LAT: variants seen among roughly 807,000 people sequenced by gnomAD.
The protein encoded by LAT is linker for activation of T cells.
LAT carries 12 observed loss-of-function variants against 39.1 expected under a neutral mutation model. The ratio of observed to expected loss-of-function variants is 0.31; its 90% confidence interval spans 0.20 to 0.50. The LOEUF is 0.50. Among genes scored for constraint, LAT ranks in the 20% least tolerant of loss-of-function variants. LAT has a pLI of 0.98. For missense variants in LAT, 253 were observed against 308.0 expected (o/e 0.82, Z 1.34); for synonymous variants, 117 against 123.8 (o/e 0.95, Z 0.36).
rs776545121 is a variant in LAT, at chr16:28,986,099, C to T, written c.164-36C>T. ...TGTTCTTTGAGGCCTTGACGATGTC[C>T]GGAGTCCTTCTTTCAACTTGGTTCT... On this transcript the variant is annotated intron_variant, in intron 3 of 11. Coordinates refer to ENST00000395456, the MANE Select transcript of LAT (RefSeq NM_001014987.2). The surrounding 1 kb of genome is among the most constrained non-coding windows in gnomAD (Gnocchi z 5.7). The T allele has an allele frequency of 2.8e-5, 43 of 1,535,772 alleles. No individual in the cohort carries two copies. In the East Asian group the frequency reaches 2.9e-4, roughly 10 times the overall value.
chr16:28,985,267 C>T lies in LAT; in HGVS notation c.-151C>T. On this transcript the variant is annotated 5_prime_UTR_variant, in exon 1 of 12. Coordinates refer to ENST00000395456, the MANE Select transcript of LAT (RefSeq NM_001014987.2). This position sits in a 1 kb window ranked among gnomAD's most constrained non-coding sequence, Gnocchi z 4.6. Reference sequence around the variant, plus strand: ...CATCCCGGGAGCCCCGGGGAGGGCACAGCTGCCTCCTCCCGGGCTCCCCTG... The same window carrying T: ...CATCCCGGGAGCCCCGGGGAGGGCATAGCTGCCTCCTCCCGGGCTCCCCTG... The T allele has an allele frequency of 2.7e-6, 4 of 1,455,004 alleles. No individual in the cohort carries two copies. The highest frequency in any genetic ancestry group is 3.6e-6 in the Non-Finnish European group (4 of 1,105,652). 90.1% of individuals were successfully genotyped at this position (1,455,004 alleles called of 1,614,324 possible). A position where few individuals can be genotyped will look rare whatever the true frequency, so the allele number is the denominator to read the frequency against.
chr16:28,986,722 G>T lies in LAT; in HGVS notation c.398+8G>T. ...TCACAACCCAGGCTACCTGTGAGTG[G>T]CCAGGTGGGAGGTGGGAGGTGAGGG... is the stretch of plus-strand genomic sequence containing the variant. On this transcript the variant is annotated splice_region_variant and intron_variant, in intron 7 of 11. Coordinates refer to ENST00000395456, the MANE Select transcript of LAT (RefSeq NM_001014987.2). This position sits in a 1 kb window ranked among gnomAD's most constrained non-coding sequence, Gnocchi z 5.7. The T allele has an allele frequency of 6.2e-7, 1 of 1,611,884 alleles. No individual in the cohort carries two copies.
chr16:28,989,484 G>A (rs201110056), intron 8 of LAT, 43 bp from the exon 9 acceptor site: 2 of 1,522,862 alleles, frequency 1.3e-6, no homozygotes, highest in Middle Eastern at 1.7e-4. Context: ...TGTGGCCAAG[G>A]GTCTCTGGTC....
At chr16:28,984,825 A>G (rs1222141786), upstream of LAT, 4 of 1,545,946 alleles carry the variant, frequency 2.6e-6, no homozygotes, top group Non-Finnish European at 3.5e-6. Context: ...TCCCACTGTC[A>G]GGGCCTCCCT....
Position 28,989,974 on chromosome 16 carries a change from G to A in LAT, c.664G>A (p.Gly222Arg). 1.2e-6 allele frequency: 2 copies of A among 1,613,868 alleles called. No homozygotes were observed. Among genetic ancestry groups the A allele is most frequent in the Non-Finnish European group, 1.7e-6 (2 of 1,179,970 alleles). ...GGAGGCAGAGGAAGTGGAGGAAGAG[G>A]GGGCTCCAGATTACGAGAATCTGCA... ...SQEAEEVEEE[G>R]APDYENLQEL... The change falls in exon 11 of 12, where the codon GGG becomes AGG. Residue 222 changes from glycine to arginine, a missense_variant. Coordinates refer to ENST00000395456, the MANE Select transcript of LAT (RefSeq NM_001014987.2).
chr16:28,986,729 G>C lies in LAT; in HGVS notation c.398+15G>C, dbSNP rs56154572. 224 of 1,610,926 alleles carry C rather than the reference G, an allele frequency of 1.4e-4. No homozygotes were observed. In the East Asian group the frequency reaches 5.0e-3, roughly 36 times the overall value. On this transcript the variant is annotated intron_variant, in intron 7 of 11. Coordinates refer to ENST00000395456, the MANE Select transcript of LAT (RefSeq NM_001014987.2). This position sits in a 1 kb window ranked among gnomAD's most constrained non-coding sequence, Gnocchi z 5.7. ...CCAGGCTACCTGTGAGTGGCCAGGT[G>C]GGAGGTGGGAGGTGAGGGCTGAGGC...
In LAT at chr16:28,990,413, T is replaced by C. The variant is rs1965844840; in HGVS notation, c.*232T>C. Reference sequence around the variant, plus strand: ...GAATGACCTGCCCTGGCCCCAGCCCTACTCTGTGTAATAGAATAAAGGCCT... The same window carrying C: ...GAATGACCTGCCCTGGCCCCAGCCCCACTCTGTGTAATAGAATAAAGGCCT... On this transcript the variant is annotated 3_prime_UTR_variant, in exon 12 of 12. Coordinates refer to ENST00000395456, the MANE Select transcript of LAT (RefSeq NM_001014987.2). 2 of 398,986 alleles carry C rather than the reference T, an allele frequency of 5.0e-6. No homozygotes were observed. Among genetic ancestry groups the C allele is most frequent in the African/African-American group, 2.1e-5 (1 of 48,504 alleles). 24.7% of individuals were successfully genotyped at this position (398,986 alleles called of 1,614,324 possible).
chr16:28,989,937 C>T lies in LAT; in HGVS notation c.627C>T (p.Ala209=). 6.2e-7 allele frequency: 1 copy of T among 1,613,976 alleles called. No homozygotes were observed. The change falls in exon 11 of 12, where the codon GCC becomes GCT. Residue 209 remains alanine, a synonymous_variant. Transcript: ENST00000395456. ...HPGAAKTEPA[A]LSSQEAEEVE... ...CCAACCTCCCCTCCCTTACAGCCGC[C>T]CTGAGTTCCCAGGAGGCAGAGGAAG... is the stretch of plus-strand genomic sequence containing the variant.
intron 8 of LAT, among the ~76,000 whole-genome samples, chr16:28,987,128 T>C (rs2141686299): frequency 6.6e-6 from 1 of 152,250 alleles, no homozygotes; most frequent in South Asian, 2.1e-4. Flanking sequence ...AGGCTGGCCT[T>C]AAACTCCTGG....
upstream of LAT, chr16:28,985,039 C>T: frequency 7.0e-7 from 1 of 1,427,218 alleles, no homozygotes; most frequent in South Asian, 1.5e-5. This position sits in a 1 kb window ranked among gnomAD's most constrained non-coding sequence, Gnocchi z 4.6. Context: ...CCTGCCCTCG[C>T]CCGGCGCTCA....
chr16:28,986,601 G>T lies in LAT; in HGVS notation c.340+32G>T. On this transcript the variant is annotated intron_variant, in intron 6 of 11. Transcript: ENST00000395456. The surrounding 1 kb of genome is among the most constrained non-coding windows in gnomAD (Gnocchi z 5.7). ...CTGGGATCCGAGGTGCCCAGGCTGG[G>T]TGGGGAGTCTGGGGTCCGTCCTGGA... is the stretch of plus-strand genomic sequence containing the variant. 1.2e-6 allele frequency: 2 copies of T among 1,613,686 alleles called. No homozygotes were observed. The highest frequency in any genetic ancestry group is 1.7e-6 in the Non-Finnish European group (2 of 1,179,730).
intron 9 of LAT, 32 bp downstream of exon 9, chr16:28,989,621 C>T (rs1053122392): frequency 1.5e-5 from 24 of 1,593,668 alleles, no homozygotes; most frequent in Non-Finnish European, 1.9e-5. Context: ...GTGCCTGCCC[C>T]TGCACCCCGC....
chr16:28,985,793 G>A lies in LAT; in HGVS notation c.128+53G>A. ...TCCCTCCACACCCCATGGCGGGGCAGGGCTGGGGCTTCCATCCTCCATCTT... is the reference window on the plus strand; with the variant it reads ...TCCCTCCACACCCCATGGCGGGGCAAGGCTGGGGCTTCCATCCTCCATCTT... On this transcript the variant is annotated intron_variant, in intron 2 of 11. Transcript: ENST00000395456. The surrounding 1 kb of genome is among the most constrained non-coding windows in gnomAD (Gnocchi z 4.6). 6.2e-7 allele frequency: 1 copy of A among 1,613,838 alleles called. No homozygotes were observed.
Position 28,989,343 on chromosome 16 carries a change from A to G in LAT, c.494-184A>G, listed in dbSNP as rs530160099. ...GTCCAGGCCACCATCACCATCACCAACACCATCCTTGCCAGCCTGGAGTCC... is the reference window on the plus strand; with the variant it reads ...GTCCAGGCCACCATCACCATCACCAGCACCATCCTTGCCAGCCTGGAGTCC... On this transcript the variant is annotated intron_variant, in intron 8 of 11. Coordinates refer to ENST00000395456, the MANE Select transcript of LAT (RefSeq NM_001014987.2). The G allele has an allele frequency of 9.3e-5, 55 of 591,166 alleles. No homozygotes were observed. The East Asian group carries it at 1.5e-3, about 16-fold the overall frequency. The allele number at this position is 591,166 out of a possible 1,614,324, so 36.6% of individuals were successfully genotyped here.
Position 28,985,884 on chromosome 16 carries a change from G to A in LAT, c.159G>A (p.Arg53=). 2.5e-6 allele frequency: 4 copies of A among 1,614,086 alleles called. No homozygotes were observed. The highest frequency in any genetic ancestry group is 3.4e-6 in the Non-Finnish European group (4 of 1,179,978). ...SLYPRGIQFK[R]PHTVAPWPPA... is the part of the protein sequence containing the mutation. ...ATCCAAGGGGCATCCAGTTCAAACGGCCTCGTGAGTACAAGGAGGGTCCCC... is the reference window on the plus strand; with the variant it reads ...ATCCAAGGGGCATCCAGTTCAAACGACCTCGTGAGTACAAGGAGGGTCCCC... Residue 53 remains arginine (R), a synonymous_variant, in exon 3 of 12, where the codon CGG becomes CGA. Transcript: ENST00000395456. The surrounding 1 kb of genome is among the most constrained non-coding windows in gnomAD (Gnocchi z 4.6).
intron 8 of LAT, chr16:28,988,091 TAAA>T (rs753398649): frequency 1.2e-4 from 17 of 139,076 alleles, no homozygotes; most frequent in Admixed American, 1.5e-4. Flanking sequence ...GACCTTGTGT[TAAA>T]AAAAAAAAAA....
intron 8 of LAT, chr16:28,988,120 A>C (rs1267525812): frequency 6.6e-6 from 1 of 151,888 alleles, no homozygotes; most frequent in East Asian, 1.9e-4. Context: ...TAAAATAGCT[A>C]AGATTCACCG....
intron 8 of LAT, chr16:28,988,188 G>T (rs1012294021): frequency 2.0e-5 from 3 of 152,250 alleles, no homozygotes; most frequent in Non-Finnish European, 4.4e-5. Context: ...TAATCTGACT[G>T]CCCTGGGGCT....
At position 28,986,072 on chromosome 16, in the gene LAT, T is replaced by A; in HGVS notation, c.164-63T>A. The A allele has an allele frequency of 6.9e-7, 1 of 1,444,594 alleles. No individual in the cohort carries two copies. 89.5% of individuals were successfully genotyped at this position (1,444,594 alleles called of 1,614,324 possible). ...GGGTGTGGGGCTTTCAGGGGCTTAG[T>A]CTGTTCTTTGAGGCCTTGACGATGT... On this transcript the variant is annotated intron_variant, in intron 3 of 11. Coordinates refer to ENST00000395456, the MANE Select transcript of LAT (RefSeq NM_001014987.2). This position sits in a 1 kb window ranked among gnomAD's most constrained non-coding sequence, Gnocchi z 5.7.
Sources: allele counts gnomAD v4.1 joint callset (sites outside exome capture counted in the v4.1 genomes callset), GRCh38; gene constraint gnomAD v4.1.1; non-coding constraint Gnocchi (gnomAD v3.1); transcripts MANE v1.5; gene names NCBI Gene and HGNC (gene_info 2026-07-23, HGNC 2026-07-21).